Variants in DPYD observed in about 807,000 individuals in gnomAD.
The protein encoded by DPYD is dihydropyrimidine dehydrogenase.
In DPYD, 109 loss-of-function variants were observed where a neutral mutation model predicts 116.2. The ratio of observed to expected loss-of-function variants is 0.94; its 90% CI spans 0.80 to 1.10. The LOEUF (loss-of-function observed/expected upper bound fraction) is 1.10, where lower values mean the gene tolerates loss of function less well. Ranked by LOEUF, DPYD falls within the 50% of genes least tolerant of loss-of-function variation. The pLI is 0.00. For synonymous variants in DPYD, 440 were observed against 432.0 expected (o/e 1.02, Z -0.23); for missense variants, 1,302 against 1,254.5 (o/e 1.04, Z -0.57).
At chr1:97,735,269 G>A (rs902991033) in intron 4 of DPYD, among the ~76,000 whole-genome samples, 23 of 151,992 alleles carry the variant, frequency 1.5e-4, no homozygotes, top group African/African-American at 5.1e-4. Context: ...AACATACAAG[G>A]GAACACAAAG....
chr1:97,795,823 AC>A (rs1343524185), intron 3 of DPYD, among the ~76,000 whole-genome samples: 1 of 151,988 alleles, frequency 6.6e-6, no homozygotes, highest in South Asian at 2.1e-4. Flanking sequence ...TATAATGATA[AC>A]ATCTCATTTT....
At chr1:97,545,780 T>C (rs958176889) in intron 12 of DPYD, 1 of 1,559,460 alleles carries the variant, frequency 6.4e-7, no homozygotes. Flanking sequence ...GAAAACTGCA[T>C]GAAGCTTTCT....
chr1:97,557,176 G>T (rs951605906), intron 11 of DPYD, among the ~76,000 whole-genome samples: 45 of 151,060 alleles, frequency 3.0e-4, no homozygotes, highest in African/African-American at 1.0e-3. Flanking sequence ...GTCTGTTCAT[G>T]TCCTTCGCCC....
chr1:97,477,031 C>T (rs1678006175), intron 13 of DPYD, among the ~76,000 whole-genome samples: 1 of 152,176 alleles, frequency 6.6e-6, no homozygotes, highest in South Asian at 2.1e-4. Context: ...TTTGATGTTG[C>T]TGGCTGCTTA....
intron 1 of DPYD, among the ~76,000 whole-genome samples, chr1:97,906,875 T>C (rs1279404692): frequency 6.6e-6 from 1 of 152,126 alleles, no homozygotes; most frequent in African/African-American, 2.4e-5. Context: ...TTTCACATTT[T>C]CACTTGAGGA....
chr1:97,493,269 C>T (rs1679068910), intron 13 of DPYD, among the ~76,000 whole-genome samples: 1 of 152,140 alleles, frequency 6.6e-6, no homozygotes, highest in Non-Finnish European at 1.5e-5. Context: ...TAAAATATTG[C>T]AGAGAGCACT....
chr1:97,094,992 A>G (rs1201784379), intron 21 of DPYD, among the ~76,000 whole-genome samples: 1 of 152,174 alleles, frequency 6.6e-6, no homozygotes, highest in Non-Finnish European at 1.5e-5. Flanking sequence ...CATATTAAAC[A>G]TATTTCAAAG....
intron 13 of DPYD, chr1:97,514,134 A>T: frequency 1.1e-6 from 1 of 889,662 alleles, no homozygotes; most frequent in Non-Finnish European, 1.3e-6. Flanking sequence ...CTAAATTGAT[A>T]GATTAAATTC....
intron 18 of DPYD, among the ~76,000 whole-genome samples, chr1:97,245,206 T>C (rs1486481716): frequency 6.6e-6 from 1 of 152,062 alleles, no homozygotes; most frequent in Non-Finnish European, 1.5e-5. Flanking sequence ...GCTCAAGGAA[T>C]TAAATAGTAT....
In DPYD at chr1:97,179,737, C is replaced by T. The variant is rs137871969; in HGVS notation, c.2622+13332G>A. Among the ~76,000 whole-genome samples the T allele has an allele frequency of 1.3e-3, 205 of 152,224 alleles. 6 individuals are homozygous for T. In the East Asian group the frequency reaches 0.038, roughly 28 times the overall value. ...TCTGTGCGCATTGTAGTCACATCTT[C>T]TCAGACACATTTCGAGGGGTCACCT... is the stretch of plus-strand genomic sequence containing the variant. On this transcript the variant is annotated intron_variant, in intron 20 of 22. Coordinates refer to ENST00000370192, the MANE Select transcript of DPYD (RefSeq NM_000110.4).
intron 16 of DPYD, among the ~76,000 whole-genome samples, chr1:97,327,369 A>T (rs973171567): frequency 6.6e-6 from 1 of 152,110 alleles, no homozygotes; most frequent in African/African-American, 2.4e-5. Flanking sequence ...TGAATGAGAA[A>T]AGAAACAACT....
At chr1:97,369,902 A>G (rs2101491960) in intron 16 of DPYD, among the ~76,000 whole-genome samples, 1 of 152,318 alleles carries the variant, frequency 6.6e-6, no homozygotes, top group Non-Finnish European at 1.5e-5. Flanking sequence ...AGCGAGCAGC[A>G]TTAGTTAGGG....
intron 8 of DPYD, among the ~76,000 whole-genome samples, chr1:97,662,135 G>C (rs1180793360): frequency 6.6e-6 from 1 of 150,614 alleles, no homozygotes; most frequent in South Asian, 2.1e-4. Flanking sequence ...CTAGTAGCTG[G>C]GACTACAGGC....
chr1:97,600,939 T>C (rs1655207475), intron 8 of DPYD, among the ~76,000 whole-genome samples: 1 of 152,126 alleles, frequency 6.6e-6, no homozygotes, highest in Admixed American at 6.5e-5. Flanking sequence ...TATTCTAACT[T>C]CATTCATTCT....
intron 12 of DPYD, among the ~76,000 whole-genome samples, chr1:97,533,698 G>GTAAGT (rs1649800406): frequency 6.6e-6 from 1 of 152,146 alleles, no homozygotes; most frequent in Admixed American, 6.6e-5. Context: ...GTTCAAAATT[G>GTAAGT]TAAGTCAACA....
At chr1:97,770,209 C>A (rs1378773271) in intron 3 of DPYD, among the ~76,000 whole-genome samples, 2 of 152,150 alleles carry the variant, frequency 1.3e-5, no homozygotes, top group Non-Finnish European at 2.9e-5. Flanking sequence ...ATCAGTATGA[C>A]TTTACCATCG....
chr1:97,185,919 G>T (rs764445338), intron 20 of DPYD, among the ~76,000 whole-genome samples: 1 of 152,120 alleles, frequency 6.6e-6, no homozygotes, highest in Non-Finnish European at 1.5e-5. Flanking sequence ...ATATGTGTTT[G>T]TCACAACTTG....
intron 2 of DPYD, among the ~76,000 whole-genome samples, chr1:97,880,495 C>G (rs1335005522): frequency 1.8e-4 from 28 of 151,452 alleles, no homozygotes; most frequent in Non-Finnish European, 8.9e-5. Flanking sequence ...AACTTTCAAC[C>G]CTAGCTTCAT....
intron 13 of DPYD, among the ~76,000 whole-genome samples, chr1:97,489,811 G>A (rs1274339746): frequency 4.6e-5 from 7 of 151,952 alleles, no homozygotes; most frequent in African/African-American, 1.5e-4. Context: ...AATAAAACTG[G>A]CACAAAGTCC....
Sources: allele counts gnomAD v4.1 joint callset (sites outside exome capture counted in the v4.1 genomes callset), GRCh38; gene constraint gnomAD v4.1.1; transcripts MANE v1.5; gene names NCBI Gene and HGNC (gene_info 2026-07-23, HGNC 2026-07-21).